SLC25A42: variants seen among roughly 807,000 people sequenced by gnomAD.
SLC25A42 encodes mitochondrial coenzyme A transporter SLC25A42.
Under a neutral mutation model 34.7 loss-of-function variants are expected in SLC25A42, and 19 were observed. That is an observed-to-expected ratio of 0.55 (90% CI 0.38 to 0.80). SLC25A42 has a LOEUF of 0.80. SLC25A42 is among the 30% of genes least tolerant of loss of function. The probability of loss-of-function intolerance (pLI) is 0.00; values close to 1 mark genes in which losing one functional copy is unlikely to be tolerated. For synonymous variants in SLC25A42, 205 were observed against 191.2 expected, an observed-to-expected ratio of 1.07 and a Z score of -0.59; for missense variants, 364 against 441.3, an observed-to-expected ratio of 0.82 and a Z score of 1.57.
At chr19:19,100,653 C>T (rs2059791325) in intron 2 of SLC25A42, among the ~76,000 whole-genome samples, 1 of 152,230 alleles carries the variant, frequency 6.6e-6, no homozygotes, top group African/African-American at 2.4e-5. Flanking sequence ...TGGGCCACCT[C>T]CTCGCGGCAC....
At position 19,081,693 on chromosome 19, in the gene SLC25A42, C is replaced by G. The variant is rs914407510; in HGVS notation, c.-34-14398C>G. On this transcript the variant is annotated intron_variant, in intron 1 of 7. Transcript: ENST00000318596. The surrounding 1 kb of genome is among the most constrained non-coding windows in gnomAD (Gnocchi z 4.5). ...GTCTCAGGCAGAACCTGGACAGGCTCCTGAGGCGCCCGCCACCTCCCTCCA... is the reference window on the plus strand; with the variant it reads ...GTCTCAGGCAGAACCTGGACAGGCTGCTGAGGCGCCCGCCACCTCCCTCCA... 1.3e-5 allele frequency among the ~76,000 whole-genome samples: 2 copies of G among 152,212 alleles called. No individual in the cohort carries two copies. The highest frequency in any genetic ancestry group is 4.8e-5 in the African/African-American group (2 of 41,456).
intron 1 of SLC25A42, among the ~76,000 whole-genome samples, chr19:19,068,315 A>G (rs1366633244): frequency 1.3e-5 from 2 of 150,386 alleles, no homozygotes; most frequent in Non-Finnish European, 3.0e-5. Flanking sequence ...AGATCACACC[A>G]TCGCACTCCA....
intron 7 of SLC25A42, 73 bp from the exon 8 acceptor site, chr19:19,110,496 A>T: frequency 7.7e-7 from 1 of 1,305,836 alleles, no homozygotes; most frequent in Non-Finnish European, 9.9e-7. Context: ...AGGGGTGCAA[A>T]GGCGCGCGCA....
intron 3 of SLC25A42, among the ~76,000 whole-genome samples, chr19:19,103,786 T>A (rs1271872480): frequency 6.6e-6 from 1 of 152,196 alleles, no homozygotes; most frequent in Non-Finnish European, 1.5e-5. Context: ...CCTCTCTGTG[T>A]CCCAGTTTCC....
chr19:19,099,555 C>G (rs2059783588), intron 2 of SLC25A42, among the ~76,000 whole-genome samples: 2 of 152,040 alleles, frequency 1.3e-5, no homozygotes, highest in South Asian at 2.1e-4. Flanking sequence ...AGGCCCAGCC[C>G]TTTACCCCGA....
chr19:19,096,904 C>A (rs1312151883), intron 2 of SLC25A42, among the ~76,000 whole-genome samples: 4 of 151,834 alleles, frequency 2.6e-5, no homozygotes, highest in African/African-American at 7.3e-5. Flanking sequence ...GCCACTGCAC[C>A]CCAGCCTGAG....
chr19:19,073,835 A>G (rs779334489), intron 1 of SLC25A42, among the ~76,000 whole-genome samples: 1 of 152,162 alleles, frequency 6.6e-6, no homozygotes, highest in African/African-American at 2.4e-5. Flanking sequence ...TGGCCTCCCA[A>G]ACTGCTGGGA....
intron 1 of SLC25A42, among the ~76,000 whole-genome samples, chr19:19,068,000 C>T (rs1261414199): frequency 6.6e-6 from 1 of 152,110 alleles, no homozygotes; most frequent in Non-Finnish European, 1.5e-5. Context: ...TTGGGTTTTG[C>T]AAGACAGAGC....
At chr19:19,080,339 A>T (rs2059674807) in intron 1 of SLC25A42, among the ~76,000 whole-genome samples, 1 of 152,230 alleles carries the variant, frequency 6.6e-6, no homozygotes. Context: ...CATTTTAGGG[A>T]TAAGGACAGC....
At chr19:19,096,973 AG>A (rs1323587820) in intron 2 of SLC25A42, among the ~76,000 whole-genome samples, 1 of 152,138 alleles carries the variant, frequency 6.6e-6, no homozygotes, top group Non-Finnish European at 1.5e-5. Flanking sequence ...AGAGAGCCAA[AG>A]GGGGTGGGCA....
intron 1 of SLC25A42, among the ~76,000 whole-genome samples, chr19:19,088,453 G>A (rs2059720486): frequency 6.6e-6 from 1 of 151,908 alleles, no homozygotes; most frequent in Non-Finnish European, 1.5e-5. Flanking sequence ...TGATCTGCCT[G>A]CGTCGGCCTC....
chr19:19,103,138 G>T (rs2059807365), intron 3 of SLC25A42, among the ~76,000 whole-genome samples: 2 of 152,090 alleles, frequency 1.3e-5, no homozygotes. Flanking sequence ...CTGTCACCCA[G>T]GCTGGAGTTC....
intron 1 of SLC25A42, among the ~76,000 whole-genome samples, chr19:19,092,854 G>A (rs970758562): frequency 6.6e-6 from 1 of 152,170 alleles, no homozygotes; most frequent in African/African-American, 2.4e-5. Context: ...AGGGTCTGTA[G>A]CGGCAGGGGT....
At chr19:19,106,058 G>T in intron 5 of SLC25A42, 1 of 563,688 alleles carries the variant, frequency 1.8e-6, no homozygotes, top group Middle Eastern at 4.7e-4. Context: ...TGCCAGCAGG[G>T]GGGAAGGGAA....
At chr19:19,094,590 C>T (rs964678042) in intron 1 of SLC25A42, among the ~76,000 whole-genome samples, 1 of 152,190 alleles carries the variant, frequency 6.6e-6, no homozygotes, top group Non-Finnish European at 1.5e-5. Flanking sequence ...GCCCATGGGT[C>T]CATGTTCACT....
intron 1 of SLC25A42, among the ~76,000 whole-genome samples, chr19:19,068,275 A>G (rs900765186): frequency 9.9e-5 from 15 of 151,796 alleles, no homozygotes; most frequent in African/African-American, 3.4e-4. Flanking sequence ...GAATTGCTTG[A>G]ACCCGGGAGT....
intron 1 of SLC25A42, among the ~76,000 whole-genome samples, chr19:19,066,488 G>A (rs888768387): frequency 8.5e-5 from 12 of 141,146 alleles, no homozygotes; most frequent in Middle Eastern, 8.0e-3. Context: ...TTGCTCTGTC[G>A]CCCAGGCTGG....
rs546384124 is a variant in SLC25A42, at chr19:19,107,835, G to C, written c.498-59G>C. The C allele has an allele frequency of 7.5e-6, 12 of 1,599,726 alleles. No homozygotes were observed. In the South Asian group the frequency reaches 1.1e-4, roughly 15 times the overall value. ...TCGGGAGGAGCCGAGAGCCTCTGTG[G>C]CTCCTCCCTGTGCCTGGGAGGCCTG... On this transcript the variant is annotated intron_variant, in intron 6 of 7. Transcript: ENST00000318596.
At chr19:19,067,097 T>C (rs2059606945) in intron 1 of SLC25A42, among the ~76,000 whole-genome samples, 1 of 151,540 alleles carries the variant, frequency 6.6e-6, no homozygotes, top group Non-Finnish European at 1.5e-5. Flanking sequence ...TTGGAAAGCC[T>C]GATTCCTCTC....
Sources: gnomAD v4.1 joint callset for allele counts (sites outside exome capture counted in the v4.1 genomes callset) on GRCh38, gnomAD v4.1.1 for gene constraint, Gnocchi (gnomAD v3.1) non-coding constraint, MANE v1.5 for transcripts, NCBI Gene and HGNC (gene_info 2026-07-23, HGNC 2026-07-21) for gene names.